MROH7: variants seen among roughly 807,000 people sequenced by gnomAD.
MROH7 encodes the protein maestro heat like repeat family member 7, also known as maestro heat-like repeat-containing protein family member 7.
MROH7 carries 113 observed loss-of-function variants against 129.2 expected under a neutral mutation model. That is an observed-to-expected ratio of 0.87 (90% confidence interval 0.75 to 1.02). The LOEUF (loss-of-function observed/expected upper bound fraction) is 1.02, where lower values mean the gene tolerates loss of function less well. Ranked by LOEUF, MROH7 falls within the 50% of genes least tolerant of loss-of-function variation. The pLI, the probability that MROH7 is intolerant of heterozygous loss-of-function variation, is 0.00. For missense variants in MROH7, 1,601 were observed against 1,671.3 expected (o/e 0.96, Z 0.73); for synonymous variants, 655 against 667.9 (o/e 0.98, Z 0.30).
intron 3 of MROH7, among the ~76,000 whole-genome samples, chr1:54,654,490 GGTGAAACCCC>G (rs1309612088): frequency 2.6e-5 from 4 of 152,028 alleles, no homozygotes; most frequent in African/African-American, 9.7e-5. Flanking sequence ...TGGCCAACAT[GGTGAAACCCC>G]GTCTCTACTA....
intron 3 of MROH7, among the ~76,000 whole-genome samples, chr1:54,654,723 T>C (rs1351361854): frequency 6.6e-6 from 1 of 152,172 alleles, no homozygotes; most frequent in Non-Finnish European, 1.5e-5. Flanking sequence ...GTCCAAATTA[T>C]GTCTATTGTA....
In MROH7 at chr1:54,690,504, C is replaced by T. The variant is rs569759459; in HGVS notation, c.2712-1920C>T. On this transcript the variant is annotated intron_variant, in intron 15 of 23. Coordinates refer to ENST00000421030, the MANE Select transcript of MROH7 (RefSeq NM_001039464.4). ...TGTCGCCCAGGCTAGAGTGCAGTGG[C>T]GCTACCTCAGCTCACTGCAAACTCC... 1.9e-4 allele frequency among the ~76,000 whole-genome samples: 28 copies of T among 149,582 alleles called. No homozygotes were observed. In the South Asian group the frequency reaches 3.4e-3, roughly 18 times the overall value.
intron 10 of MROH7, 128 bp from the exon 11 acceptor site, chr1:54,678,614 G>A (rs1645017821): frequency 4.6e-6 from 3 of 648,336 alleles, no homozygotes; most frequent in Admixed American, 2.5e-5. Flanking sequence ...CTTGGGGGCT[G>A]GCTACAATGG....
chr1:54,665,977 G>A (rs1257089895), intron 4 of MROH7, among the ~76,000 whole-genome samples: 2 of 152,234 alleles, frequency 1.3e-5, no homozygotes, highest in East Asian at 1.9e-4. Context: ...CGTCCTTCTA[G>A]TTGTCCACTG....
At chr1:54,690,588 C>T (rs1241146572) in intron 15 of MROH7, among the ~76,000 whole-genome samples, 9 of 151,922 alleles carry the variant, frequency 5.9e-5, no homozygotes, top group South Asian at 2.1e-4. Flanking sequence ...GGACTACAGG[C>T]GCCCGCCACC....
chr1:54,666,849 A>G (rs185956044), intron 4 of MROH7, among the ~76,000 whole-genome samples: 16 of 152,326 alleles, frequency 1.1e-4, no homozygotes, highest in African/African-American at 3.1e-4. Context: ...AGATGTGGTT[A>G]CATTCTTGGT....
Position 54,673,797 on chromosome 1 carries a change from C to T in MROH7, c.1792C>T (p.Pro598Ser). ...GTTGAACCACATGCTTCTAACTCTGCCTTTCTTTGTGAGTGGCCCCTGGGA... is the reference window on the plus strand; with the variant it reads ...GTTGAACCACATGCTTCTAACTCTGTCTTTCTTTGTGAGTGGCCCCTGGGA... Reference protein sequence around the residue: ...SVLNHMLLTLPFFMPLGFPAL... With the variant: ...SVLNHMLLTLSFFMPLGFPAL... Residue 598 changes from proline (P) to serine (S), a missense_variant, in exon 9 of 24, where the codon CCT becomes TCT. Pro to Ser is a moderately conservative substitution (Grantham distance 74). Coordinates refer to ENST00000421030, the MANE Select transcript of MROH7 (RefSeq NM_001039464.4). 4 of 1,613,468 alleles carry T rather than the reference C, an allele frequency of 2.5e-6. No individual in the cohort carries two copies. Among genetic ancestry groups the T allele is most frequent in the Non-Finnish European group, 3.4e-6 (4 of 1,179,374 alleles).
intron 4 of MROH7, among the ~76,000 whole-genome samples, chr1:54,666,059 C>T (rs1476946292): frequency 6.6e-6 from 1 of 152,202 alleles, no homozygotes; most frequent in Non-Finnish European, 1.5e-5. Flanking sequence ...GGCCTTTGCA[C>T]GTGTTTCTTC....
In MROH7 at chr1:54,695,430, C is replaced by A. The variant is rs2101186145; in HGVS notation, c.2904C>A (p.Ile968=). ...QELCRILYLL[I]PLLERGDEKH... is the part of the protein sequence containing the mutation. The stretch of plus-strand genomic sequence containing the variant: ...TGTGCCGCATCCTCTACCTGCTCAT[C>A]CCGCTCCTGGAGCGAGGCGACGAGA... Residue 968 remains isoleucine, a synonymous_variant, in exon 17 of 24, where the codon ATC becomes ATA. Coordinates refer to ENST00000421030, the MANE Select transcript of MROH7 (RefSeq NM_001039464.4). The A allele has an allele frequency of 6.2e-7, 1 of 1,613,910 alleles. No homozygotes were observed.
intron 17 of MROH7, among the ~76,000 whole-genome samples, chr1:54,696,857 A>G (rs1306181340): frequency 2.0e-5 from 3 of 151,600 alleles, no homozygotes; most frequent in Non-Finnish European, 2.9e-5. Flanking sequence ...TTTTTAGTAG[A>G]GACTGGGTTT....
At chr1:54,678,336 T>C (rs761283164) in intron 10 of MROH7, among the ~76,000 whole-genome samples, 15 of 152,242 alleles carry the variant, frequency 9.9e-5, no homozygotes, top group Non-Finnish European at 1.8e-4. Flanking sequence ...TAGTCTTTCA[T>C]ACTGTGGGAA....
chr1:54,700,574 C>T, intron 18 of MROH7, 113 bp downstream of exon 18: 1 of 1,019,440 alleles, frequency 9.8e-7, no homozygotes. Flanking sequence ...GACATCATTT[C>T]TATCTTAGCC....
At chr1:54,645,120 T>TGCC (rs2101050035) in intron 1 of MROH7, among the ~76,000 whole-genome samples, 1 of 152,296 alleles carries the variant, frequency 6.6e-6, no homozygotes, top group Non-Finnish European at 1.5e-5. Context: ...AAAGCATTTT[T>TGCC]ATGATGACTG....
At position 54,700,118 on chromosome 1, in the gene MROH7, G is replaced by A. The variant is rs1383803006; in HGVS notation, c.2965-203G>A. On this transcript the variant is annotated intron_variant, in intron 17 of 23. Transcript: ENST00000421030. The stretch of plus-strand genomic sequence containing the variant: ...AACAACAAGCAGTCACAGGGGCTCG[G>A]AGCTGGAGAGTGACACACTCAGCTT... 5.4e-6 allele frequency: 4 copies of A among 740,170 alleles called. No individual in the cohort carries two copies. In the Admixed American group the frequency reaches 6.0e-5, roughly 11 times the overall value. 45.9% of individuals were successfully genotyped at this position (740,170 alleles called of 1,614,324 possible).
chr1:54,700,172 G>T (rs751523184), intron 17 of MROH7, 149 bp from the exon 18 acceptor site: 3 of 991,692 alleles, frequency 3.0e-6, no homozygotes, highest in Non-Finnish European at 4.7e-6. Flanking sequence ...GACATCAGAC[G>T]GAGACTTCCA....
At position 54,646,815 on chromosome 1, in the gene MROH7, A is replaced by G. The variant is rs981944916; in HGVS notation, c.-110+4847A>G. On this transcript the variant is annotated intron_variant, in intron 1 of 23. Transcript: ENST00000421030. The stretch of plus-strand genomic sequence containing the variant: ...TCCCTGCTTTCCCCTTCCCCTGGCA[A>G]CCTCTCTCTGTCCTGCTTTAATCTA... Among the ~76,000 whole-genome samples, 4 of 152,180 alleles carry G rather than the reference A, an allele frequency of 2.6e-5. No homozygotes were observed. In the South Asian group the frequency reaches 6.2e-4, roughly 24 times the overall value.
chr1:54,681,699 G>A lies in MROH7; in HGVS notation c.2382-957G>A, dbSNP rs529432987. Among the ~76,000 whole-genome samples, 4 of 152,290 alleles carry A rather than the reference G, an allele frequency of 2.6e-5. No individual in the cohort carries two copies. The East Asian group carries it at 7.7e-4, about 29-fold the overall frequency. On this transcript the variant is annotated intron_variant, in intron 13 of 23. Coordinates refer to ENST00000421030, the MANE Select transcript of MROH7 (RefSeq NM_001039464.4). ...CCCTATGATAGGAGTTTGGTTGGGT[G>A]CAGATGCTTTTCCTTGCCTGGTGTA...
At chr1:54,647,459 G>C (rs1458434609) in intron 1 of MROH7, among the ~76,000 whole-genome samples, 1 of 151,856 alleles carries the variant, frequency 6.6e-6, no homozygotes, top group Non-Finnish European at 1.5e-5. Flanking sequence ...TAAAAAAAAG[G>C]CTGGGCATGG....
rs754966629 is a variant in MROH7, at chr1:54,710,009, AC to A, written c.3796del (p.His1266ThrfsTer56). 4.3e-6 allele frequency: 7 copies of A among 1,613,986 alleles called. No individual in the cohort carries two copies. The African/African-American group carries it at 9.3e-5, about 22-fold the overall frequency. On this transcript the variant is annotated frameshift_variant, in exon 24 of 24. Coordinates refer to ENST00000421030, the MANE Select transcript of MROH7 (RefSeq NM_001039464.4). LOFTEE classifies it high-confidence loss of function. ...TGCATCTACGCAGCCCAGGTCCAGG[AC>A]CACATCCTGGCCAGCTGCTGGCAGA... is the stretch of plus-strand genomic sequence containing the variant. ...SVCIYAAQVQ[D>X]HILASCWQNS... is the part of the protein sequence containing the mutation.
Sources: allele counts gnomAD v4.1 joint callset (sites outside exome capture counted in the v4.1 genomes callset), GRCh38; gene constraint gnomAD v4.1.1; transcripts MANE v1.5; gene names NCBI Gene and HGNC (gene_info 2026-07-23, HGNC 2026-07-21).